Variants in C1orf159 observed in about 807,000 individuals in gnomAD.
C1orf159 encodes chromosome 1 open reading frame 159, also known as uncharacterized protein C1orf159.
C1orf159 carries 19 observed loss-of-function variants against 25.6 expected under a neutral mutation model. The ratio of observed to expected loss-of-function variants is 0.74; its 90% CI spans 0.52 to 1.09. The LOEUF is 1.09. Ranked by LOEUF, C1orf159 falls within the 50% of genes least tolerant of loss-of-function variation. The pLI is 0.00. For missense variants in C1orf159, 274 were observed against 290.6 expected, an observed-to-expected ratio of 0.94 and a Z score of 0.42; for synonymous variants, 139 against 124.7, an observed-to-expected ratio of 1.12 and a Z score of -0.77.
chr1:1,115,477 C>CCCCCATAGGACCGCGG (rs1646322679), intron 1 of C1orf159, among the ~76,000 whole-genome samples: 1 of 147,824 alleles, frequency 6.8e-6, no homozygotes, highest in Admixed American at 6.7e-5. Context: ...GGGCGCCCGT[C>CCCCCATAGGACCGCGG]CCATCCCCTC....
In C1orf159 at chr1:1,110,335, T is replaced by C. The variant is rs113697618; in HGVS notation, c.-136+5725A>G. Among the ~76,000 whole-genome samples, 3 of 152,108 alleles carry C rather than the reference T, an allele frequency of 2.0e-5. No individual in the cohort carries two copies. The highest frequency in any genetic ancestry group is 2.0e-4 in the Admixed American group (3 of 15,270). On this transcript the variant is annotated intron_variant, in intron 1 of 9. Coordinates refer to ENST00000421241, the MANE Select transcript of C1orf159 (RefSeq NM_017891.5). The surrounding 1 kb of genome is among the most constrained non-coding windows in gnomAD (Gnocchi z 4.8). ...CGTTCAGTCGGCGGGGGACTTAGGA[T>C]TTTATTCTTAGTTTACAACATCAGT...
intron 3 of C1orf159, chr1:1,090,925 G>A (rs1645920347): frequency 6.5e-7 from 1 of 1,550,378 alleles, no homozygotes; most frequent in Non-Finnish European, 8.7e-7. Flanking sequence ...GGACAGGCCT[G>A]GGGGGCTCAG....
At chr1:1,088,373 G>A (rs1557748047) in intron 4 of C1orf159, among the ~76,000 whole-genome samples, 1 of 107,804 alleles carries the variant, frequency 9.3e-6, no homozygotes, top group Non-Finnish European at 1.8e-5. Context: ...TGCAGTGCCT[G>A]GAGCGGCTGC....
chr1:1,112,539 C>T (rs1363075394), intron 1 of C1orf159, among the ~76,000 whole-genome samples: 6 of 150,060 alleles, frequency 4.0e-5, no homozygotes, highest in Non-Finnish European at 7.4e-5. Context: ...GTGAACACAA[C>T]GCGCACGCTC....
At position 1,087,096 on chromosome 1, in the gene C1orf159, C is replaced by T. The variant is rs764824144; in HGVS notation, c.310+43G>A. The T allele has an allele frequency of 1.9e-6, 3 of 1,583,028 alleles. No individual in the cohort carries two copies. Among genetic ancestry groups the T allele is most frequent in the Non-Finnish European group, 1.7e-6 (2 of 1,163,998 alleles). ...GCACTGGCTCCGACGGCCCCCAGCC[C>T]CCAGGACACCGGCAGAGGTGGCTGT... On this transcript the variant is annotated intron_variant, in intron 6 of 9. Transcript: ENST00000421241. This position sits in a 1 kb window ranked among gnomAD's most constrained non-coding sequence, Gnocchi z 8.3.
rs1646239173 is a variant in C1orf159, at chr1:1,110,252, A to G, written c.-136+5808T>C. On this transcript the variant is annotated intron_variant, in intron 1 of 9. Transcript: ENST00000421241. The surrounding 1 kb of genome is among the most constrained non-coding windows in gnomAD (Gnocchi z 4.8). ...GGTGTGTCCAACCTCCCATCCTTTT[A>G]TGGCCGGAAACTCAATTTTTAAGGT... Among the ~76,000 whole-genome samples the G allele has an allele frequency of 6.6e-6, 1 of 152,188 alleles. No homozygotes were observed. Among genetic ancestry groups the G allele is most frequent in the Non-Finnish European group, 1.5e-5 (1 of 68,024 alleles).
In C1orf159 at chr1:1,082,795, G is replaced by T; in HGVS notation, c.*98C>A. On this transcript the variant is annotated 3_prime_UTR_variant, in exon 10 of 10. Transcript: ENST00000421241. ...CCGAGGCTGTGCCCAGGACTGTCCC[G>T]GGCGCCGGGCGATGCCAACACTTTG... The T allele has an allele frequency of 1.8e-6, 2 of 1,131,064 alleles. No individual in the cohort carries two copies. The highest frequency in any genetic ancestry group is 1.3e-5 in the South Asian group (1 of 74,614). The allele number at this position is 1,131,064 out of a possible 1,614,324, so 70.1% of individuals were successfully genotyped here. A position where few individuals can be genotyped will look rare whatever the true frequency, so the allele number is the denominator to read the frequency against.
At chr1:1,090,726 G>T in intron 3 of C1orf159, 1 of 788,228 alleles carries the variant, frequency 1.3e-6, no homozygotes. Context: ...CAGCGCCACC[G>T]ACATTCTCTG....
intron 3 of C1orf159, chr1:1,091,215 C>G (rs1438022458): frequency 1.6e-6 from 1 of 615,612 alleles, no homozygotes; most frequent in Admixed American, 2.9e-5. Context: ...GCTCCCATTG[C>G]GGGCCAGGAT....
chr1:1,082,404 C>CG lies in C1orf159; in HGVS notation c.*488dup, dbSNP rs1393783491. ...CCTAGGCTGTGTCCTCCCCACTGGC[C>CG]GGGCACCGGCTGGAACGGCACGAGG... On this transcript the variant is annotated 3_prime_UTR_variant, in exon 10 of 10. Coordinates refer to ENST00000421241, the MANE Select transcript of C1orf159 (RefSeq NM_017891.5). 5.8e-6 allele frequency: 1 copy of CG among 172,552 alleles called. No homozygotes were observed. Among genetic ancestry groups the CG allele is most frequent in the Non-Finnish European group, 1.3e-5 (1 of 79,594 alleles). 10.7% of individuals were successfully genotyped at this position (172,552 alleles called of 1,614,324 possible). A position where few individuals can be genotyped will look rare whatever the true frequency, so the allele number is the denominator to read the frequency against.
chr1:1,100,367 A>G (rs1204957332), intron 1 of C1orf159, among the ~76,000 whole-genome samples: 1 of 151,726 alleles, frequency 6.6e-6, no homozygotes, highest in African/African-American at 2.4e-5. Flanking sequence ...TTTATTTTTC[A>G]GTGATTTTAG....
Position 1,116,013 on chromosome 1 carries a change from G to C in C1orf159, c.-136+47C>G, listed in dbSNP as rs1646335621. 1 of 152,150 alleles carries C rather than the reference G, an allele frequency of 6.6e-6. No homozygotes were observed. Among genetic ancestry groups the C allele is most frequent in the African/African-American group, 2.4e-5 (1 of 41,340 alleles). 9.4% of individuals were successfully genotyped at this position (152,150 alleles called of 1,614,324 possible). A position where few individuals can be genotyped will look rare whatever the true frequency, so the allele number is the denominator to read the frequency against. The stretch of plus-strand genomic sequence containing the variant: ...GACCCGGCCGCCCAGACGGACCCCA[G>C]CGCCCCAACCCGCTACCCTCACGCC... On this transcript the variant is annotated intron_variant, in intron 1 of 9. Coordinates refer to ENST00000421241, the MANE Select transcript of C1orf159 (RefSeq NM_017891.5). This position sits in a 1 kb window ranked among gnomAD's most constrained non-coding sequence, Gnocchi z 4.8.
At chr1:1,115,441 G>A (rs2100784961) in intron 1 of C1orf159, among the ~76,000 whole-genome samples, 1 of 151,988 alleles carries the variant, frequency 6.6e-6, no homozygotes, top group South Asian at 2.1e-4. Context: ...GGGAAGGCGA[G>A]GCGAACGCGC....
intron 1 of C1orf159, among the ~76,000 whole-genome samples, chr1:1,107,147 G>C (rs12729537): frequency 0.098 from 14,973 of 152,330 alleles, 919 homozygotes; most frequent in East Asian, 0.21. Flanking sequence ...GAGGAGTGTA[G>C]CGCACGGCAC....
rs1036313838 is a variant in C1orf159 at position 1,090,854 on chromosome 1, T to C, written c.73-426A>G. 1.6e-5 allele frequency: 24 copies of C among 1,537,100 alleles called. No individual in the cohort carries two copies. The African/African-American group carries it at 3.2e-4, about 20-fold the overall frequency. ...CCCAGGTGCCCAGGTACTGCACAGG[T>C]GCGCTGGGTGCTGGCACTTACGGTG... On this transcript the variant is annotated intron_variant, in intron 3 of 9. Transcript: ENST00000421241.
intron 9 of C1orf159, chr1:1,084,140 G>A (rs568121168): frequency 1.3e-6 from 2 of 1,551,668 alleles, no homozygotes; most frequent in South Asian, 1.2e-5. Flanking sequence ...GGGCGGGCAG[G>A]GGGCGCCGGC....
At chr1:1,100,919 A>C (rs1646091928) in intron 1 of C1orf159, among the ~76,000 whole-genome samples, 1 of 152,214 alleles carries the variant, frequency 6.6e-6, no homozygotes, top group African/African-American at 2.4e-5. Context: ...TGTGGCTGTC[A>C]TATCTGCATA....
rs28469423 is a variant in C1orf159, at chr1:1,090,479, C to G, written c.73-51G>C. ...CCAGGACGCGCCTGCCAGGCAGGCT[C>G]ACGCCCAGAGCAGCAGCGGCTGAGG... On this transcript the variant is annotated intron_variant, in intron 3 of 9. Coordinates refer to ENST00000421241, the MANE Select transcript of C1orf159 (RefSeq NM_017891.5). 8,784 of 1,535,104 alleles carry G rather than the reference C, an allele frequency of 5.7e-3. 437 individuals carry two copies. In the African/African-American group the frequency reaches 0.1, roughly 18 times the overall value.
chr1:1,114,583 C>A (rs1646307911), intron 1 of C1orf159, among the ~76,000 whole-genome samples: 1 of 152,174 alleles, frequency 6.6e-6, no homozygotes, highest in Admixed American at 6.5e-5. Flanking sequence ...ACCTGCCTGA[C>A]TGGCTTTTAG....
Sources: gnomAD v4.1 joint callset for allele counts (sites outside exome capture counted in the v4.1 genomes callset) on GRCh38, gnomAD v4.1.1 for gene constraint, Gnocchi (gnomAD v3.1) non-coding constraint, MANE v1.5 for transcripts, NCBI Gene and HGNC (gene_info 2026-07-23, HGNC 2026-07-21) for gene names.